Variants in CBLN2 observed in about 807,000 individuals in gnomAD.
CBLN2 encodes cerebellin-2.
CBLN2 carries 7 observed loss-of-function variants against 15.0 expected under a neutral mutation model. The observed-to-expected ratio is 0.47, with a 90% CI of 0.27 to 0.88. The LOEUF is 0.88. Ranked by LOEUF, CBLN2 falls within the 40% of genes least tolerant of loss-of-function variation. CBLN2 has a pLI of 0.14. For synonymous variants in CBLN2, 149 were observed against 135.2 expected (o/e 1.10, Z -0.71); for missense variants, 242 against 304.5 (o/e 0.79, Z 1.53).
At chr18:72,633,548 T>C (rs2069791025) in intron 1 of CBLN2, among the ~76,000 whole-genome samples, 1 of 152,204 alleles carries the variant, frequency 6.6e-6, no homozygotes, top group African/African-American at 2.4e-5. Context: ...AAGAAGGGCA[T>C]GCATAGGTAG....
intron 1 of CBLN2, among the ~76,000 whole-genome samples, chr18:72,587,834 C>T (rs1394296466): frequency 1.3e-5 from 2 of 152,070 alleles, no homozygotes; most frequent in Admixed American, 1.3e-4. Flanking sequence ...GTATTATATC[C>T]AGTATACTAA....
intron 1 of CBLN2, among the ~76,000 whole-genome samples, chr18:72,631,284 G>A (rs1005150130): frequency 1.3e-5 from 2 of 152,052 alleles, no homozygotes; most frequent in Admixed American, 6.6e-5. Context: ...GAAGACAAGA[G>A]GGAAAGCTTG....
At chr18:72,593,010 C>T (rs555794946) in intron 1 of CBLN2, among the ~76,000 whole-genome samples, 5 of 151,770 alleles carry the variant, frequency 3.3e-5, no homozygotes, top group Admixed American at 3.3e-4. Context: ...AGGATTTTTC[C>T]CCTATTTTCA....
chr18:72,555,449 T>TGC, intron 1 of CBLN2, among the ~76,000 whole-genome samples: 1 of 150,056 alleles, frequency 6.7e-6, no homozygotes, highest in Middle Eastern at 3.4e-3. Flanking sequence ...TGTGTGGGCG[T>TGC]GTGTGTGTGT....
upstream of CBLN2, among the ~76,000 whole-genome samples, chr18:72,547,125 CA>C (rs2069163567): frequency 3.7e-5 from 5 of 134,612 alleles, no homozygotes; most frequent in African/African-American, 1.3e-4. Flanking sequence ...CACACACACA[CA>C]CACACACACA....
intron 1 of CBLN2, among the ~76,000 whole-genome samples, chr18:72,633,546 C>T (rs898218411): frequency 2.6e-5 from 4 of 152,166 alleles, no homozygotes; most frequent in African/African-American, 9.7e-5. Context: ...CAAAGAAGGG[C>T]ATGCATAGGT....
chr18:72,550,160 T>C (rs607787), intron 1 of CBLN2, among the ~76,000 whole-genome samples: 118,639 of 152,166 alleles, frequency 0.78, 52,226 homozygotes, highest in Non-Finnish European at 0.97. Flanking sequence ...ATAAGGAAAA[T>C]GAGAAACAAA....
At chr18:72,627,264 C>T (rs1425190746) in intron 1 of CBLN2, among the ~76,000 whole-genome samples, 1 of 152,126 alleles carries the variant, frequency 6.6e-6, no homozygotes, top group Non-Finnish European at 1.5e-5. Flanking sequence ...TGACTGTTTG[C>T]TTTTCTTCAG....
chr18:72,636,304 T>A (rs1230561687), intron 1 of CBLN2, among the ~76,000 whole-genome samples: 1 of 152,226 alleles, frequency 6.6e-6, no homozygotes, highest in African/African-American at 2.4e-5. Flanking sequence ...TCAGTACACC[T>A]TATACAACAA....
At chr18:72,596,505 T>C (rs2069515054) in intron 1 of CBLN2, among the ~76,000 whole-genome samples, 1 of 152,206 alleles carries the variant, frequency 6.6e-6, no homozygotes, top group South Asian at 2.1e-4. Context: ...GTACTCACTA[T>C]TACCAGTGAA....
At chr18:72,602,612 A>G (rs78215290) in intron 1 of CBLN2, among the ~76,000 whole-genome samples, 1,763 of 152,194 alleles carry the variant, frequency 0.012, 37 homozygotes, top group African/African-American at 0.04. Context: ...GGTGTTGTGC[A>G]GATGTGGTTG....
At chr18:72,575,793 G>A (rs2069362523) in intron 1 of CBLN2, among the ~76,000 whole-genome samples, 2 of 119,944 alleles carry the variant, frequency 1.7e-5, no homozygotes, top group Non-Finnish European at 3.5e-5. Context: ...GAAAGAGAAC[G>A]GGAGATGTGC....
intron 1 of CBLN2, among the ~76,000 whole-genome samples, chr18:72,625,420 T>C (rs934416010): frequency 6.6e-6 from 1 of 151,938 alleles, no homozygotes; most frequent in Non-Finnish European, 1.5e-5. Flanking sequence ...TTTACCACTC[T>C]TGTAGTTTTA....
chr18:72,582,639 A>G (rs1309156206), intron 1 of CBLN2, among the ~76,000 whole-genome samples: 1 of 152,208 alleles, frequency 6.6e-6, no homozygotes, highest in Non-Finnish European at 1.5e-5. Flanking sequence ...AGGTGCTCAC[A>G]CATCCTTTAA....
chr18:72,596,704 A>C (rs2069516179), intron 1 of CBLN2, among the ~76,000 whole-genome samples: 1 of 152,160 alleles, frequency 6.6e-6, no homozygotes. Context: ...TGTAGAATAA[A>C]AGTTGTTTTC....
At chr18:72,582,271 T>C (rs2069411030) in intron 1 of CBLN2, among the ~76,000 whole-genome samples, 1 of 152,230 alleles carries the variant, frequency 6.6e-6, no homozygotes, top group South Asian at 2.1e-4. Context: ...ATATTGTGAA[T>C]GAATGATTTA....
chr18:72,631,259 G>T (rs2069774550), intron 1 of CBLN2, among the ~76,000 whole-genome samples: 1 of 152,074 alleles, frequency 6.6e-6, no homozygotes, highest in Non-Finnish European at 1.5e-5. Flanking sequence ...ATTTATGGCA[G>T]TTAAGCTCTG....
In CBLN2 at chr18:72,576,955, T is replaced by C. The variant is rs1354796916; in HGVS notation, c.16-38183A>G. On this transcript the variant is annotated intron_variant, in intron 1 of 2. Transcript: ENST00000581073. Reference sequence around the variant, plus strand: ...ATTTTATATATATATAAATGTGATGTATATATAAATATATATAAATGTGAA... The same window carrying C: ...ATTTTATATATATATAAATGTGATGCATATATAAATATATATAAATGTGAA... Among the ~76,000 whole-genome samples, 4 of 147,826 alleles carry C rather than the reference T, an allele frequency of 2.7e-5. No homozygotes were observed. In the East Asian group the frequency reaches 7.8e-4, roughly 29 times the overall value.
rs186110810 is a variant in CBLN2 at position 72,629,387 on chromosome 18, A to G, written c.15+8938T>C. On this transcript the variant is annotated intron_variant, in intron 1 of 2. Coordinates refer to the CBLN2 transcript ENST00000581073. ...TAAAACTCCCAAACTTATATATAGT[A>G]TTAGTATCCTTTATAAGAGTAAAGG... Among the ~76,000 whole-genome samples the G allele has an allele frequency of 3.5e-3, 530 of 152,240 alleles. 2 individuals are homozygous for G. The highest frequency in any genetic ancestry group is 0.012 in the African/African-American group (513 of 41,556).
Sources: gnomAD v4.1 joint callset for allele counts (sites outside exome capture counted in the v4.1 genomes callset) on GRCh38, gnomAD v4.1.1 for gene constraint, MANE v1.5 for transcripts, NCBI Gene and HGNC (gene_info 2026-07-23, HGNC 2026-07-21) for gene names.